DOCK2: variants seen among roughly 807,000 people sequenced by gnomAD.
The protein encoded by DOCK2 is dedicator of cytokinesis 2.
A neutral mutation model predicts 248.9 loss-of-function variants in DOCK2; 87 were observed. That is an observed-to-expected ratio of 0.35 (90% CI 0.29 to 0.42). The LOEUF (loss-of-function observed/expected upper bound fraction) is 0.42, where lower values mean the gene tolerates loss of function less well. DOCK2 is among the 10% of genes least tolerant of loss of function. The probability of loss-of-function intolerance (pLI) is 1.00; values close to 1 mark genes in which losing one functional copy is unlikely to be tolerated. For missense variants in DOCK2, 1,747 were observed against 2,300.2 expected (o/e 0.76, Z 4.92); for synonymous variants, 805 against 821.6 (o/e 0.98, Z 0.35).
intron 27 of DOCK2, among the ~76,000 whole-genome samples, chr5:169,903,588 T>A (rs1774086910): frequency 6.6e-6 from 1 of 151,968 alleles, no homozygotes; most frequent in Non-Finnish European, 1.5e-5. Flanking sequence ...GGAAGTCACT[T>A]CAGGACACAG....
chr5:169,792,449 A>ATATG (rs1554101511), intron 25 of DOCK2, among the ~76,000 whole-genome samples: 3 of 106,638 alleles, frequency 2.8e-5, no homozygotes, highest in African/African-American at 1.2e-4. Flanking sequence ...TATATTTTAT[A>ATATG]TATGTGTGTG....
Position 170,047,530 on chromosome 5 carries a change from T to C in DOCK2, c.3987T>C (p.Tyr1329=), listed in dbSNP as rs1756757815. Residue 1329 remains tyrosine (Y), a synonymous_variant, in exon 40 of 52, where the codon TAT becomes TAC. Coordinates refer to ENST00000520908, the MANE Select transcript of DOCK2 (RefSeq NM_004946.3). Reference sequence around the variant, plus strand: ...TTTAGATCCAGCAGGCAAAATTCTATGAAAGCATCATGAAAATCCTCAGGC... The same window carrying C: ...TTTAGATCCAGCAGGCAAAATTCTACGAAAGCATCATGAAAATCCTCAGGC... ...SQNLIQQAKF[Y]ESIMKILRPK... 1.2e-6 allele frequency: 2 copies of C among 1,613,490 alleles called. No individual in the cohort carries two copies. The highest frequency in any genetic ancestry group is 1.7e-5 in the Admixed American group (1 of 59,920).
Position 170,043,852 on chromosome 5 carries a change from G to A in DOCK2, c.3876+1720G>A, listed in dbSNP as rs115245995. Among the ~76,000 whole-genome samples, 374 of 152,336 alleles carry A rather than the reference G, an allele frequency of 2.5e-3. 1 individual carries two copies. Among genetic ancestry groups the A allele is most frequent in the African/African-American group, 8.5e-3 (355 of 41,568 alleles). The stretch of plus-strand genomic sequence containing the variant: ...AATTCAGCCCACTCTGTGCTGAGCA[G>A]AGAGGAAAAAGGCATGATCCCCAAC... On this transcript the variant is annotated intron_variant, in intron 38 of 51. Coordinates refer to ENST00000520908, the MANE Select transcript of DOCK2 (RefSeq NM_004946.3).
intron 25 of DOCK2, among the ~76,000 whole-genome samples, chr5:169,765,726 G>GGAGA (rs1043712106): frequency 6.6e-6 from 1 of 152,086 alleles, no homozygotes; most frequent in Non-Finnish European, 1.5e-5. Context: ...GGGGAGAGAG[G>GGAGA]GAGAGAGAGA....
chr5:169,802,285 C>T (rs922892415), intron 25 of DOCK2, among the ~76,000 whole-genome samples: 1 of 152,180 alleles, frequency 6.6e-6, no homozygotes. Flanking sequence ...CCTCAGCCTC[C>T]CAAAGAGCTG....
At chr5:169,914,637 A>G (rs77841354) in intron 27 of DOCK2, among the ~76,000 whole-genome samples, 3 of 152,228 alleles carry the variant, frequency 2.0e-5, no homozygotes, top group Non-Finnish European at 4.4e-5. Flanking sequence ...GAGTTTCCAC[A>G]TAGAAAACAA....
chr5:170,061,005 G>A (rs370288895), intron 44 of DOCK2, among the ~76,000 whole-genome samples: 10 of 152,096 alleles, frequency 6.6e-5, no homozygotes, highest in South Asian at 4.2e-4. Context: ...ACTCCAGCCC[G>A]GGCAACAGAG....
chr5:170,019,151 C>G, intron 33 of DOCK2, 43 bp downstream of exon 33: 1 of 1,612,816 alleles, frequency 6.2e-7, no homozygotes, highest in South Asian at 1.1e-5. Context: ...TGCCTAATCC[C>G]CAGCCCATTT....
At chr5:169,867,245 A>C (rs1771623039) in intron 27 of DOCK2, among the ~76,000 whole-genome samples, 1 of 152,246 alleles carries the variant, frequency 6.6e-6, no homozygotes, top group Admixed American at 6.5e-5. Context: ...CAATCAGATT[A>C]GATTCCGGCC....
chr5:169,944,826 A>G (rs1776381486), intron 27 of DOCK2, among the ~76,000 whole-genome samples: 1 of 152,194 alleles, frequency 6.6e-6, no homozygotes, highest in African/African-American at 2.4e-5. Flanking sequence ...TGACCATGGG[A>G]ACAGCCTTCC....
intron 27 of DOCK2, among the ~76,000 whole-genome samples, chr5:169,844,091 T>C (rs998759334): frequency 4.6e-5 from 7 of 152,212 alleles, no homozygotes; most frequent in African/African-American, 1.4e-4. Flanking sequence ...CTGGGGCATA[T>C]GGGAACTGTA....
Position 169,718,718 on chromosome 5 carries a change from C to T in DOCK2, c.2194C>T (p.Pro732Ser). ...CTCCAGCAGAGGGGAGCAATGTGAG[C>T]CAATCCTAAGAACGCTGAAGGCTTT... Reference protein sequence around the residue: ...DTSSRGEQCEPILRTLKALEY... With the variant: ...DTSSRGEQCESILRTLKALEY... Residue 732 changes from proline to serine, a missense_variant, in exon 22 of 52, where the codon CCA becomes TCA. Physicochemically the swap from Pro to Ser is moderately conservative, Grantham distance 74. This residue lies in a region of DOCK2 where 858 missense variants were observed against 1,183.5 expected (regional missense o/e 0.72). Coordinates refer to ENST00000520908, the MANE Select transcript of DOCK2 (RefSeq NM_004946.3). 6.2e-7 allele frequency: 1 copy of T among 1,613,894 alleles called. No individual in the cohort carries two copies. The highest frequency in any genetic ancestry group is 8.5e-7 in the Non-Finnish European group (1 of 1,179,842).
intron 1 of DOCK2, among the ~76,000 whole-genome samples, chr5:169,645,386 C>T (rs1057166949): frequency 6.6e-6 from 1 of 152,168 alleles, no homozygotes; most frequent in African/African-American, 2.4e-5. Context: ...TGGTGTTGAG[C>T]GTTTTTTCAT....
At chr5:170,026,385 T>A (rs1755916751) in intron 33 of DOCK2, among the ~76,000 whole-genome samples, 1 of 152,182 alleles carries the variant, frequency 6.6e-6, no homozygotes, top group Non-Finnish European at 1.5e-5. Flanking sequence ...GGCTGGCTGC[T>A]CTTCATGCAT....
chr5:169,803,509 G>T (rs912146062), intron 26 of DOCK2, among the ~76,000 whole-genome samples: 2 of 152,230 alleles, frequency 1.3e-5, no homozygotes, highest in African/African-American at 4.8e-5. Context: ...GCCCTAGTTT[G>T]CAGGGGTGGG....
chr5:169,737,115 G>C (rs534485913), intron 22 of DOCK2, among the ~76,000 whole-genome samples: 47 of 152,172 alleles, frequency 3.1e-4, no homozygotes, highest in Non-Finnish European at 5.1e-4. Context: ...TTTCATCACA[G>C]GGTCAGGAAT....
intron 2 of DOCK2, among the ~76,000 whole-genome samples, chr5:169,663,064 C>T (rs1758532294): frequency 6.6e-6 from 1 of 152,210 alleles, no homozygotes; most frequent in African/African-American, 2.4e-5. Flanking sequence ...GGGGTACAAG[C>T]ATTGGGTAAA....
chr5:169,644,307 C>G, intron 1 of DOCK2, among the ~76,000 whole-genome samples: 1 of 152,020 alleles, frequency 6.6e-6, no homozygotes, highest in South Asian at 2.1e-4. Flanking sequence ...GGAGAGGGAC[C>G]AGTTAGGCAG....
chr5:169,681,663 G>A, intron 6 of DOCK2, 81 bp from the exon 7 acceptor site: 1 of 1,552,910 alleles, frequency 6.4e-7, no homozygotes, highest in East Asian at 2.3e-5. Context: ...GAAATCAGCT[G>A]AACTTTCTGG....
Sources: allele counts gnomAD v4.1 joint callset (sites outside exome capture counted in the v4.1 genomes callset), GRCh38; gene constraint gnomAD v4.1.1; regional missense constraint gnomAD v4.1.1; transcripts MANE v1.5; gene names NCBI Gene and HGNC (gene_info 2026-07-23, HGNC 2026-07-21).